The following DCC variants were observed in gnomAD, a reference collection of about 807,000 sequenced individuals.
The protein encoded by DCC is netrin receptor DCC.
DCC carries 58 observed loss-of-function variants against 172.5 expected under a neutral mutation model. The observed-to-expected ratio is 0.34, with a 90% CI of 0.27 to 0.42. The LOEUF is 0.42. Among genes scored for constraint, DCC ranks in the 10% least tolerant of loss-of-function variants. The pLI is 1.00. For synonymous variants in DCC, 709 were observed against 644.5 expected (o/e 1.10, Z -1.52); for missense variants, 1,740 against 1,791.0 (o/e 0.97, Z 0.51).
At chr18:53,491,535 G>A (rs1196296447) in intron 26 of DCC, among the ~76,000 whole-genome samples, 5 of 151,240 alleles carry the variant, frequency 3.3e-5, no homozygotes. Context: ...GAGAGGCCTT[G>A]GTGTACATGT....
intron 2 of DCC, among the ~76,000 whole-genome samples, chr18:52,773,070 C>T (rs2037369711): frequency 6.6e-6 from 1 of 152,108 alleles, no homozygotes; most frequent in African/African-American, 2.4e-5. Flanking sequence ...ATGAGAGAAC[C>T]CCACCACATC....
At chr18:52,963,634 A>G (rs2040881957) in intron 5 of DCC, among the ~76,000 whole-genome samples, 1 of 152,060 alleles carries the variant, frequency 6.6e-6, no homozygotes, top group Admixed American at 6.6e-5. Context: ...GCCAGGTTAA[A>G]GGGAAAGTAT....
At chr18:53,491,433 A>G (rs1408791594) in intron 26 of DCC, among the ~76,000 whole-genome samples, 4 of 152,086 alleles carry the variant, frequency 2.6e-5, no homozygotes, top group African/African-American at 9.7e-5. Flanking sequence ...ACATAGATAT[A>G]CACGTGCCAT....
intron 1 of DCC, among the ~76,000 whole-genome samples, chr18:52,716,649 G>A (rs1047073878): frequency 6.6e-6 from 1 of 152,190 alleles, no homozygotes; most frequent in Non-Finnish European, 1.5e-5. Flanking sequence ...GCTTCACCTG[G>A]AAGAGGGATG....
chr18:52,580,253 T>C (rs1009306258), intron 1 of DCC, among the ~76,000 whole-genome samples: 1 of 152,188 alleles, frequency 6.6e-6, no homozygotes, highest in African/African-American at 2.4e-5. Context: ...ATGAGACTTT[T>C]GTTTTGTTTG....
intron 21 of DCC, among the ~76,000 whole-genome samples, chr18:53,418,039 G>A (rs1223807650): frequency 6.6e-6 from 1 of 152,052 alleles, no homozygotes; most frequent in East Asian, 1.9e-4. Context: ...GCCAGTGGCT[G>A]AGTCCATTAA....
intron 5 of DCC, among the ~76,000 whole-genome samples, chr18:53,046,020 C>A (rs2144017343): frequency 6.6e-6 from 1 of 151,890 alleles, no homozygotes; most frequent in East Asian, 1.9e-4. Flanking sequence ...TTTTTGAAAT[C>A]CTCACTTATA....
At chr18:53,270,505 A>G (rs536909506) in intron 12 of DCC, among the ~76,000 whole-genome samples, 1 of 152,248 alleles carries the variant, frequency 6.6e-6, no homozygotes, top group East Asian at 1.9e-4. Context: ...CATTAAAATG[A>G]CGGTTTTGGA....
chr18:52,610,162 AAAAAAAAAAAAAAAAAATATATATAT>A lies in DCC; in HGVS notation c.92-141890_92-141865del, dbSNP rs1417995302. ...AACCCCATCTCTCATAAAAAAAAAA[AAAAAAAAAAAAAAAAAATATATATAT>A]ATATATATATATATATATATATATA... On this transcript the variant is annotated intron_variant, in intron 1 of 28. Coordinates refer to ENST00000442544, the MANE Select transcript of DCC (RefSeq NM_005215.4). 2.6e-3 allele frequency among the ~76,000 whole-genome samples: 45 copies of A among 17,206 alleles called. 2 individuals carry two copies. The highest frequency in any genetic ancestry group is 0.022 in the South Asian group (8 of 368). 11.3% of individuals were successfully genotyped at this position (17,206 alleles called of 152,430 possible).
intron 2 of DCC, among the ~76,000 whole-genome samples, chr18:52,900,617 T>C (rs1378219151): frequency 3.9e-5 from 6 of 152,350 alleles, no homozygotes; most frequent in South Asian, 2.1e-4. Flanking sequence ...AGAGCTTCCA[T>C]ATGTGTCTGA....
intron 2 of DCC, among the ~76,000 whole-genome samples, chr18:52,871,136 G>A (rs1374376633): frequency 1.3e-5 from 2 of 152,152 alleles, no homozygotes; most frequent in Non-Finnish European, 2.9e-5. Context: ...GACAAAAAGT[G>A]TGCTGCTTAA....
At chr18:52,901,110 TATA>T (rs1164068754) in intron 2 of DCC, among the ~76,000 whole-genome samples, 2 of 152,112 alleles carry the variant, frequency 1.3e-5, no homozygotes, top group African/African-American at 4.8e-5. Flanking sequence ...TTTTAAGAAG[TATA>T]ATAATTCAGT....
intron 2 of DCC, among the ~76,000 whole-genome samples, chr18:52,841,466 C>G (rs2145318422): frequency 6.6e-6 from 1 of 152,074 alleles, no homozygotes; most frequent in South Asian, 2.1e-4. Context: ...AATTGAATAC[C>G]AGGAATTTGG....
At chr18:52,662,016 C>T (rs1357699882) in intron 1 of DCC, among the ~76,000 whole-genome samples, 2 of 152,044 alleles carry the variant, frequency 1.3e-5, no homozygotes, top group African/African-American at 4.8e-5. Context: ...GGAAATATCT[C>T]ACAATAGATA....
chr18:52,482,566 A>G (rs1324987577), intron 1 of DCC, among the ~76,000 whole-genome samples: 1 of 152,188 alleles, frequency 6.6e-6, no homozygotes, highest in African/African-American at 2.4e-5. Flanking sequence ...CTCACATGGT[A>G]GAAAGGGAGC....
At chr18:53,289,486 G>A (rs2056975478) in intron 12 of DCC, among the ~76,000 whole-genome samples, 1 of 152,046 alleles carries the variant, frequency 6.6e-6, no homozygotes, top group Admixed American at 6.6e-5. Flanking sequence ...TTTACCAAGA[G>A]CATTATATAA....
chr18:52,781,925 G>A (rs955451770), intron 2 of DCC, among the ~76,000 whole-genome samples: 60 of 152,022 alleles, frequency 3.9e-4, no homozygotes, highest in African/African-American at 1.4e-3. Context: ...AACATACTTG[G>A]TCAGTTGAAG....
chr18:53,391,329 A>G (rs2145008262), intron 16 of DCC, among the ~76,000 whole-genome samples: 1 of 152,322 alleles, frequency 6.6e-6, no homozygotes, highest in South Asian at 2.1e-4. Context: ...TCCTGTAACT[A>G]GATCTTTTAA....
intron 5 of DCC, among the ~76,000 whole-genome samples, chr18:52,926,215 TATATC>T (rs1323873180): frequency 2.0e-5 from 3 of 151,934 alleles, no homozygotes; most frequent in African/African-American, 7.2e-5. Context: ...AAAATGAAAA[TATATC>T]ATATGCTGAT....
Sources: allele counts gnomAD v4.1 joint callset (sites outside exome capture counted in the v4.1 genomes callset), GRCh38; gene constraint gnomAD v4.1.1; transcripts MANE v1.5; gene names NCBI Gene and HGNC (gene_info 2026-07-23, HGNC 2026-07-21).